Variants in SYT9 observed in about 807,000 individuals in gnomAD.
The protein encoded by SYT9 is synaptotagmin-9.
SYT9 carries 22 observed loss-of-function variants against 48.4 expected under a neutral mutation model. The observed-to-expected ratio is 0.45, with a 90% confidence interval of 0.32 to 0.65. SYT9 has a LOEUF of 0.65. Among genes scored for constraint, SYT9 ranks in the 30% least tolerant of loss-of-function variants. The pLI is 0.03. For synonymous variants in SYT9, 265 were observed against 245.0 expected (o/e 1.08, Z -0.76); for missense variants, 577 against 622.0 (o/e 0.93, Z 0.77).
chr11:7,403,044 C>A (rs1041310937), intron 3 of SYT9, among the ~76,000 whole-genome samples: 1 of 151,978 alleles, frequency 6.6e-6, no homozygotes, highest in Non-Finnish European at 1.5e-5. Flanking sequence ...CTTCTGCTTA[C>A]TTTAATTTGT....
intron 6 of SYT9, among the ~76,000 whole-genome samples, chr11:7,421,212 G>A (rs539359599): frequency 1.3e-5 from 2 of 152,174 alleles, no homozygotes; most frequent in African/African-American, 2.4e-5. Flanking sequence ...ATCAACAAGA[G>A]ACCTAGACTT....
chr11:7,382,006 C>G (rs1384602269), intron 3 of SYT9, among the ~76,000 whole-genome samples: 1 of 152,150 alleles, frequency 6.6e-6, no homozygotes, highest in African/African-American at 2.4e-5. Context: ...CAAGCCTTTT[C>G]TGAAGCCTTT....
intron 3 of SYT9, among the ~76,000 whole-genome samples, chr11:7,366,115 T>A (rs963499632): frequency 6.6e-6 from 1 of 152,222 alleles, no homozygotes; most frequent in African/African-American, 2.4e-5. Context: ...CTCCCATGAT[T>A]CGTTGCTGCT....
rs373446356 is a variant in SYT9 at position 7,418,145 on chromosome 11, T to C, written c.1337+17T>C. ...CTATGACCGGTGAGATACCTGGAAC[T>C]CTTTTCCAGTGCAAGTTCACTGTGC... On this transcript the variant is annotated intron_variant, in intron 5 of 6. Coordinates refer to ENST00000318881, the MANE Select transcript of SYT9 (RefSeq NM_175733.4). 7.5e-5 allele frequency: 120 copies of C among 1,610,712 alleles called. No individual in the cohort carries two copies. Among genetic ancestry groups the C allele is most frequent in the Non-Finnish European group, 9.0e-5 (106 of 1,178,632 alleles).
chr11:7,257,599 G>A (rs4338504), intron 1 of SYT9, among the ~76,000 whole-genome samples: 116,764 of 152,030 alleles, frequency 0.77, 45,051 homozygotes, highest in Middle Eastern at 0.82. Flanking sequence ...TTTTTCTAAG[G>A]TAGTCAAAAG....
intron 1 of SYT9, among the ~76,000 whole-genome samples, chr11:7,275,161 T>G (rs1174921166): frequency 6.6e-6 from 1 of 152,058 alleles, no homozygotes; most frequent in Non-Finnish European, 1.5e-5. Context: ...CCAGCCCTGC[T>G]CCAGCAGATT....
chr11:7,358,746 G>A (rs1850070325), intron 3 of SYT9, among the ~76,000 whole-genome samples: 1 of 152,130 alleles, frequency 6.6e-6, no homozygotes. Context: ...TTATTAGATT[G>A]TCTAATGTTA....
intron 3 of SYT9, among the ~76,000 whole-genome samples, chr11:7,331,207 A>G (rs770978123): frequency 5.1e-5 from 4 of 79,150 alleles, no homozygotes; most frequent in Non-Finnish European, 1.1e-4. Context: ...AAAAATGTGC[A>G]AAAGGGATAG....
chr11:7,437,094 TA>T (rs1389751344), intron 6 of SYT9, among the ~76,000 whole-genome samples: 2 of 152,372 alleles, frequency 1.3e-5, no homozygotes, highest in African/African-American at 4.8e-5. Context: ...ACTGTAACTC[TA>T]CCCAGGCTTT....
chr11:7,298,446 G>A (rs1423918251), intron 1 of SYT9, among the ~76,000 whole-genome samples: 2 of 152,032 alleles, frequency 1.3e-5, no homozygotes, highest in African/African-American at 4.8e-5. Flanking sequence ...CATGTCAGGG[G>A]CCATTTATTC....
intron 1 of SYT9, among the ~76,000 whole-genome samples, chr11:7,241,797 G>A (rs1847743208): frequency 6.6e-6 from 1 of 152,198 alleles, no homozygotes; most frequent in East Asian, 1.9e-4. Context: ...GGGATCGTAA[G>A]AGTCTGAAAG....
chr11:7,461,652 CGTGAGCCACA>C (rs1398884374), intron 6 of SYT9, among the ~76,000 whole-genome samples: 1 of 152,210 alleles, frequency 6.6e-6, no homozygotes, highest in Non-Finnish European at 1.5e-5. Flanking sequence ...GGATTACAGG[CGTGAGCCACA>C]GCGCTGAGCA....
chr11:7,456,919 A>G (rs72846892), intron 6 of SYT9: 47,305 of 151,818 alleles, frequency 0.31, 8,859 homozygotes, highest in African/African-American at 0.51. Context: ...TGACTCTCTT[A>G]TTTGTTTTCA....
chr11:7,415,098 T>C (rs1251604969), intron 3 of SYT9, among the ~76,000 whole-genome samples: 1 of 138,096 alleles, frequency 7.2e-6, no homozygotes, highest in Non-Finnish European at 1.6e-5. Context: ...TCTTCCCCAG[T>C]GGAGGGAAAT....
chr11:7,384,505 T>C (rs1480426497), intron 3 of SYT9, among the ~76,000 whole-genome samples: 1 of 152,176 alleles, frequency 6.6e-6, no homozygotes, highest in African/African-American at 2.4e-5. Context: ...ACTTCTTCCA[T>C]TAGAAAATCC....
intron 1 of SYT9, among the ~76,000 whole-genome samples, chr11:7,267,127 A>G (rs1003013490): frequency 6.6e-6 from 1 of 152,102 alleles, no homozygotes; most frequent in African/African-American, 2.4e-5. Flanking sequence ...TAGAAGTCAT[A>G]AACTTTTACT....
chr11:7,442,553 A>G (rs1847847440), intron 6 of SYT9, among the ~76,000 whole-genome samples: 1 of 152,092 alleles, frequency 6.6e-6, no homozygotes, highest in Non-Finnish European at 1.5e-5. Context: ...CTTCACCCCC[A>G]GCACTGGGCA....
At chr11:7,245,097 A>G (rs1451711985) in intron 1 of SYT9, among the ~76,000 whole-genome samples, 1 of 152,226 alleles carries the variant, frequency 6.6e-6, no homozygotes, top group African/African-American at 2.4e-5. Flanking sequence ...GACTTGGAGC[A>G]GCAGTGTGGC....
chr11:7,251,791 TA>T (rs1462042360), upstream of SYT9, among the ~76,000 whole-genome samples: 1 of 151,528 alleles, frequency 6.6e-6, no homozygotes, highest in Non-Finnish European at 1.5e-5. Context: ...AGCCGGGGAG[TA>T]CCCCAGGTCC....
Sources: gnomAD v4.1 joint callset for allele counts (sites outside exome capture counted in the v4.1 genomes callset) on GRCh38, gnomAD v4.1.1 for gene constraint, MANE v1.5 for transcripts, NCBI Gene and HGNC (gene_info 2026-07-23, HGNC 2026-07-21) for gene names.